SH3RF3: variants seen among roughly 807,000 people sequenced by gnomAD.
SH3RF3 encodes the protein E3 ubiquitin-protein ligase SH3RF3.
In SH3RF3, 29 loss-of-function variants were observed where a neutral mutation model predicts 66.3. That is an observed-to-expected ratio of 0.44 (90% CI 0.33 to 0.60). The LOEUF is 0.60. SH3RF3 is among the 20% of genes least tolerant of loss of function. The pLI is 0.04. For missense variants in SH3RF3, 1,194 were observed against 1,190.9 expected, an observed-to-expected ratio of 1.00 and a Z score of -0.04; for synonymous variants, 583 against 532.0, an observed-to-expected ratio of 1.10 and a Z score of -1.32.
chr2:109,289,832 CT>C (rs1681120577), intron 1 of SH3RF3, among the ~76,000 whole-genome samples: 1 of 152,138 alleles, frequency 6.6e-6, no homozygotes, highest in African/African-American at 2.4e-5. Flanking sequence ...AATCAACTAA[CT>C]TTCTCAGATC....
intron 1 of SH3RF3, among the ~76,000 whole-genome samples, chr2:109,139,288 A>G (rs1467421444): frequency 6.6e-6 from 1 of 152,232 alleles, no homozygotes; most frequent in East Asian, 1.9e-4. Context: ...TGTCGCCTTA[A>G]CAAAGATAGC....
intron 1 of SH3RF3, among the ~76,000 whole-genome samples, chr2:109,163,199 G>A (rs982670735): frequency 2.6e-5 from 4 of 152,120 alleles, no homozygotes; most frequent in African/African-American, 4.8e-5. Context: ...ATAGGAACTC[G>A]CGGGCAGCTT....
chr2:109,339,904 AC>A (rs1682519464), intron 1 of SH3RF3, among the ~76,000 whole-genome samples: 1 of 152,150 alleles, frequency 6.6e-6, no homozygotes, highest in South Asian at 2.1e-4. Flanking sequence ...TCAGGGCTCC[AC>A]AGAGGCTTCC....
At chr2:109,448,561 G>A (rs1014865644) in intron 7 of SH3RF3, among the ~76,000 whole-genome samples, 5 of 152,154 alleles carry the variant, frequency 3.3e-5, no homozygotes, top group African/African-American at 4.8e-5. Context: ...TAGGTTGCAC[G>A]CTCCTTATGA....
chr2:109,196,619 C>A (rs2105044757), intron 1 of SH3RF3, among the ~76,000 whole-genome samples: 1 of 152,290 alleles, frequency 6.6e-6, no homozygotes, highest in East Asian at 1.9e-4. Context: ...ACTCCGAGTG[C>A]TGCTGCGCTG....
chr2:109,188,156 G>A (rs983781979), intron 1 of SH3RF3, among the ~76,000 whole-genome samples: 1 of 152,252 alleles, frequency 6.6e-6, no homozygotes, highest in African/African-American at 2.4e-5. Context: ...TTACAGCAGT[G>A]TATTGACTTC....
chr2:109,436,519 G>T (rs1677403561), intron 6 of SH3RF3, among the ~76,000 whole-genome samples: 1 of 152,244 alleles, frequency 6.6e-6, no homozygotes, highest in Non-Finnish European at 1.5e-5. Context: ...CAATGTGCTG[G>T]ATGTGTCAAG....
At position 109,504,622 on chromosome 2, in the gene SH3RF3, T is replaced by A. The variant is rs1679482558; in HGVS notation, c.*2951T>A. The stretch of plus-strand genomic sequence containing the variant: ...GTGTTTCTGAGTCTTTAAATAAAAA[T>A]GAACATGGAGAAGGCTTGTGTCTAC... On this transcript the variant is annotated 3_prime_UTR_variant, in exon 10 of 10. Coordinates refer to ENST00000309415, the MANE Select transcript of SH3RF3 (RefSeq NM_001099289.3). 1 of 152,190 alleles carries A rather than the reference T, an allele frequency of 6.6e-6. No individual in the cohort carries two copies. The highest frequency in any genetic ancestry group is 1.5e-5 in the Non-Finnish European group (1 of 68,046). 9.4% of individuals were successfully genotyped at this position (152,190 alleles called of 1,614,324 possible). A position where few individuals can be genotyped will look rare whatever the true frequency, so the allele number is the denominator to read the frequency against.
At chr2:109,298,285 G>A (rs1335155597) in intron 1 of SH3RF3, among the ~76,000 whole-genome samples, 5 of 148,212 alleles carry the variant, frequency 3.4e-5, no homozygotes, top group African/African-American at 9.8e-5. Flanking sequence ...AGAGAACTCC[G>A]TGGCTGGCTA....
chr2:109,358,068 C>T (rs1451719841), intron 2 of SH3RF3, among the ~76,000 whole-genome samples: 1 of 152,236 alleles, frequency 6.6e-6, no homozygotes. Context: ...TCCTCCACCA[C>T]CCCTGGCAAC....
At chr2:109,168,790 A>G (rs1233277968) in intron 1 of SH3RF3, among the ~76,000 whole-genome samples, 1 of 152,208 alleles carries the variant, frequency 6.6e-6, no homozygotes, top group Non-Finnish European at 1.5e-5. Flanking sequence ...TTAAGCCTGA[A>G]CAGTAGATCT....
intron 1 of SH3RF3, among the ~76,000 whole-genome samples, chr2:109,276,477 G>C (rs1291456195): frequency 6.6e-6 from 1 of 152,178 alleles, no homozygotes; most frequent in Non-Finnish European, 1.5e-5. Context: ...CTTTAGCCCA[G>C]GTGTCGCTGC....
At chr2:109,271,815 G>A (rs957833609) in intron 1 of SH3RF3, among the ~76,000 whole-genome samples, 1 of 152,174 alleles carries the variant, frequency 6.6e-6, no homozygotes, top group Non-Finnish European at 1.5e-5. Context: ...TTAAAATGCT[G>A]TACAAATCTG....
chr2:109,142,594 C>G lies in SH3RF3; in HGVS notation c.573+12481C>G, dbSNP rs544653804. Among the ~76,000 whole-genome samples, 7 of 152,282 alleles carry G rather than the reference C, an allele frequency of 4.6e-5. No homozygotes were observed. The East Asian group carries it at 1.4e-3, about 30-fold the overall frequency. On this transcript the variant is annotated intron_variant, in intron 1 of 9. Transcript: ENST00000309415. ...TGAGGGAGGAGGATTCTAGTCCTGT[C>G]ACCAGAAGCCTCTCTGGGTTCTCTG...
chr2:109,399,219 T>C (rs1489309244), intron 4 of SH3RF3, among the ~76,000 whole-genome samples: 1 of 152,132 alleles, frequency 6.6e-6, no homozygotes, highest in Non-Finnish European at 1.5e-5. Context: ...CCCACCCGCC[T>C]CATGACAAGC....
intron 1 of SH3RF3, among the ~76,000 whole-genome samples, chr2:109,162,500 G>T (rs898168728): frequency 2.0e-5 from 3 of 152,130 alleles, no homozygotes; most frequent in African/African-American, 7.2e-5. Flanking sequence ...TGCCATGTTG[G>T]TGTGCTGCAC....
chr2:109,467,999 C>T lies in SH3RF3; in HGVS notation c.2148+18510C>T, dbSNP rs141320768. Among the ~76,000 whole-genome samples the T allele has an allele frequency of 5.1e-3, 774 of 152,346 alleles. 3 individuals are homozygous for T. The highest frequency in any genetic ancestry group is 7.7e-3 in the Non-Finnish European group (522 of 68,038). The stretch of plus-strand genomic sequence containing the variant: ...GAGACCCTGGAGGACCTCCTCAGAG[C>T]GGAAAACATTTCAGCCCAGAAGTGA... On this transcript the variant is annotated intron_variant, in intron 8 of 9. Coordinates refer to ENST00000309415, the MANE Select transcript of SH3RF3 (RefSeq NM_001099289.3).
chr2:109,281,338 T>C (rs1396378592), intron 1 of SH3RF3, among the ~76,000 whole-genome samples: 2 of 152,176 alleles, frequency 1.3e-5, no homozygotes, highest in African/African-American at 2.4e-5. Context: ...CCCTCCGTTA[T>C]CCATCAGGAA....
At chr2:109,501,359 TTAAAAA>T in intron 9 of SH3RF3, 138 bp from the exon 10 acceptor site, 1 of 503,802 alleles carries the variant, frequency 2.0e-6, no homozygotes, top group East Asian at 3.0e-5. Flanking sequence ...TTTGAAAAAA[TTAAAAA>T]TAAAGATAAA....
Sources: allele counts gnomAD v4.1 joint callset (sites outside exome capture counted in the v4.1 genomes callset), GRCh38; gene constraint gnomAD v4.1.1; transcripts MANE v1.5; gene names NCBI Gene and HGNC (gene_info 2026-07-23, HGNC 2026-07-21).